SMOC1: variants seen among roughly 807,000 people sequenced by gnomAD.
SMOC1 encodes SPARC-related modular calcium-binding protein 1.
SMOC1 carries 22 observed loss-of-function variants against 56.3 expected under a neutral mutation model. That is an observed-to-expected ratio of 0.39 (90% CI 0.28 to 0.56). The LOEUF (loss-of-function observed/expected upper bound fraction) is 0.56, where lower values mean the gene tolerates loss of function less well. SMOC1 is among the 20% of genes least tolerant of loss of function. The pLI is 0.61. For missense variants in SMOC1, 509 were observed against 565.4 expected (o/e 0.90, Z 1.01); for synonymous variants, 193 against 215.0 (o/e 0.90, Z 0.89).
At chr14:69,982,698 G>A (rs1884223374) in intron 5 of SMOC1, among the ~76,000 whole-genome samples, 1 of 152,178 alleles carries the variant, frequency 6.6e-6, no homozygotes, top group Admixed American at 6.5e-5. Context: ...ATCTCTTCCC[G>A]ACTACCTCTT....
chr14:69,914,218 G>A (rs777575612), intron 1 of SMOC1, among the ~76,000 whole-genome samples: 5 of 152,186 alleles, frequency 3.3e-5, no homozygotes, highest in Non-Finnish European at 7.3e-5. Flanking sequence ...TAAATTAGGG[G>A]TCTGTAAACT....
chr14:69,977,176 T>G (rs1883994330), intron 4 of SMOC1, among the ~76,000 whole-genome samples: 1 of 152,218 alleles, frequency 6.6e-6, no homozygotes, highest in Non-Finnish European at 1.5e-5. Context: ...TCTTTTCTTT[T>G]GGCGGGACTC....
intron 1 of SMOC1, among the ~76,000 whole-genome samples, chr14:69,943,961 T>G (rs1490894133): frequency 6.6e-6 from 1 of 152,178 alleles, no homozygotes; most frequent in Admixed American, 6.5e-5. Context: ...CAGTGTGGTG[T>G]GGAAGAAAGA....
intron 5 of SMOC1, 135 bp downstream of exon 5, chr14:69,978,100 A>G (rs981710314): frequency 1.2e-5 from 9 of 782,548 alleles, no homozygotes; most frequent in Admixed American, 9.7e-5. Context: ...TTCTTATTCC[A>G]TGTTTCCTCT....
chr14:70,007,014 G>C (rs1337662332), intron 7 of SMOC1, among the ~76,000 whole-genome samples: 1 of 152,242 alleles, frequency 6.6e-6, no homozygotes, highest in African/African-American at 2.4e-5. Context: ...TGATCACGGG[G>C]AGGCACAGTT....
intron 3 of SMOC1, among the ~76,000 whole-genome samples, chr14:69,963,541 G>C (rs1355580184): frequency 6.6e-6 from 1 of 152,162 alleles, no homozygotes; most frequent in Non-Finnish European, 1.5e-5. Context: ...TGTCGGAGTA[G>C]AGCGGTGTGC....
chr14:69,954,645 T>C (rs1427778078), intron 3 of SMOC1, among the ~76,000 whole-genome samples: 1 of 152,186 alleles, frequency 6.6e-6, no homozygotes, highest in African/African-American at 2.4e-5. Flanking sequence ...GGTGCTGTCC[T>C]GATGAAAGTG....
At chr14:69,972,780 A>G (rs1163731196) in intron 3 of SMOC1, among the ~76,000 whole-genome samples, 1 of 152,186 alleles carries the variant, frequency 6.6e-6, no homozygotes, top group Non-Finnish European at 1.5e-5. Context: ...CCTCTTACTC[A>G]TGAATTTGCT....
intron 1 of SMOC1, among the ~76,000 whole-genome samples, chr14:69,912,550 G>C (rs916600712): frequency 3.9e-5 from 6 of 152,190 alleles, no homozygotes; most frequent in African/African-American, 1.2e-4. Flanking sequence ...ACTGTACCCA[G>C]CCAAGGCATA....
At position 69,910,254 on chromosome 14, in the gene SMOC1, G is replaced by C. The variant is rs1213645751; in HGVS notation, c.99+30477G>C. 3.9e-5 allele frequency among the ~76,000 whole-genome samples: 6 copies of C among 152,214 alleles called. No individual in the cohort carries two copies. The East Asian group carries it at 1.2e-3, about 29-fold the overall frequency. On this transcript the variant is annotated intron_variant, in intron 1 of 11. Coordinates refer to ENST00000361956, the MANE Select transcript of SMOC1 (RefSeq NM_001034852.3). ...TTACGATTGAGCAAACCGAGGTGCAGAGAATTCAAGAAAAGTACTTAGGCC... is the reference window on the plus strand; with the variant it reads ...TTACGATTGAGCAAACCGAGGTGCACAGAATTCAAGAAAAGTACTTAGGCC...
chr14:69,978,051 G>A lies in SMOC1; in HGVS notation c.526+86G>A, dbSNP rs77960241. On this transcript the variant is annotated intron_variant, in intron 5 of 11. Transcript: ENST00000361956. ...TCTTAGATGAGATAGAAGGAGCCTG[G>A]GGTGAAAGCCTAAGGTGTCCCGCAG... 1.3e-3 allele frequency: 1,381 copies of A among 1,090,042 alleles called. 13 individuals are homozygous for A. The African/African-American group carries it at 0.019, about 15-fold the overall frequency. The allele number at this position is 1,090,042 out of a possible 1,614,324, so 67.5% of individuals were successfully genotyped here. A position where few individuals can be genotyped will look rare whatever the true frequency, so the allele number is the denominator to read the frequency against.
intron 1 of SMOC1, among the ~76,000 whole-genome samples, chr14:69,923,916 A>G (rs1884920507): frequency 6.6e-6 from 1 of 152,168 alleles, no homozygotes; most frequent in South Asian, 2.1e-4. Flanking sequence ...GGCAGTTGGC[A>G]GTGTAACCTC....
chr14:69,989,972 G>C (rs923898137), intron 5 of SMOC1, among the ~76,000 whole-genome samples: 1 of 152,214 alleles, frequency 6.6e-6, no homozygotes, highest in Admixed American at 6.5e-5. Flanking sequence ...TGGCAGCAGG[G>C]CATCTTGTCT....
intron 1 of SMOC1, among the ~76,000 whole-genome samples, chr14:69,899,292 T>C (rs1001708628): frequency 1.3e-5 from 2 of 152,200 alleles, no homozygotes; most frequent in African/African-American, 4.8e-5. Flanking sequence ...ATCCCCAGTG[T>C]TGGAGGTGGG....
intron 5 of SMOC1, among the ~76,000 whole-genome samples, chr14:69,987,169 A>G (rs1037376846): frequency 6.6e-6 from 1 of 152,200 alleles, no homozygotes; most frequent in African/African-American, 2.4e-5. Context: ...CCTTCAAAGC[A>G]AGAACCTTCG....
chr14:70,016,372 G>A (rs975588065), intron 10 of SMOC1, among the ~76,000 whole-genome samples: 1 of 152,180 alleles, frequency 6.6e-6, no homozygotes, highest in Non-Finnish European at 1.5e-5. Flanking sequence ...GCTCATATTA[G>A]CTTGACCATA....
At chr14:69,959,010 T>C (rs61981762) in intron 3 of SMOC1, among the ~76,000 whole-genome samples, 5,029 of 152,290 alleles carry the variant, frequency 0.033, 119 homozygotes, top group Non-Finnish European at 0.05. Context: ...TATGGAAGTA[T>C]ATAAGGTAGA....
At chr14:69,879,849 AAGG>A (rs1181347989) in intron 1 of SMOC1, 72 bp downstream of exon 1, 2 of 1,321,134 alleles carry the variant, frequency 1.5e-6, no homozygotes, top group Non-Finnish European at 2.1e-6. Context: ...TCCCTGAGGG[AAGG>A]AGGAGGGGGA....
At position 69,930,284 on chromosome 14, in the gene SMOC1, C is replaced by A. The variant is rs80120758; in HGVS notation, c.100-21854C>A. 5.5e-3 allele frequency among the ~76,000 whole-genome samples: 842 copies of A among 152,278 alleles called. 8 individuals are homozygous for A. The highest frequency in any genetic ancestry group is 0.019 in the African/African-American group (790 of 41,534). ...CCGAGGGACCTCACTGCCCATCCCA[C>A]CACACTGCCCGTCCCAGAAGGCCGT... On this transcript the variant is annotated intron_variant, in intron 1 of 11. Coordinates refer to ENST00000361956, the MANE Select transcript of SMOC1 (RefSeq NM_001034852.3).
Sources: gnomAD v4.1 joint callset for allele counts (sites outside exome capture counted in the v4.1 genomes callset) on GRCh38, gnomAD v4.1.1 for gene constraint, MANE v1.5 for transcripts, NCBI Gene and HGNC (gene_info 2026-07-23, HGNC 2026-07-21) for gene names.